Variants in GPC5 observed in about 807,000 individuals in gnomAD.
GPC5 encodes the protein glypican 5.
A neutral mutation model predicts 53.9 loss-of-function variants in GPC5; 47 were observed. That is an observed-to-expected ratio of 0.87 (90% CI 0.69 to 1.11). The LOEUF is 1.11. Among genes scored for constraint, GPC5 ranks in the 50% most tolerant of loss-of-function variants. The pLI is 0.00. For missense variants in GPC5, 748 were observed against 713.1 expected, an observed-to-expected ratio of 1.05 and a Z score of -0.56; for synonymous variants, 286 against 263.3, an observed-to-expected ratio of 1.09 and a Z score of -0.84.
intron 1 of GPC5, among the ~76,000 whole-genome samples, chr13:91,400,895 A>G (rs1006236214): frequency 6.6e-6 from 1 of 152,216 alleles, no homozygotes; most frequent in Non-Finnish European, 1.5e-5. Context: ...GGAGAGGGAA[A>G]TGACTGTAAT....
intron 1 of GPC5, among the ~76,000 whole-genome samples, chr13:91,440,124 G>T (rs887724297): frequency 1.3e-5 from 2 of 152,024 alleles, no homozygotes; most frequent in African/African-American, 4.8e-5. Context: ...GTTAATTTGT[G>T]GTGTTCACCA....
chr13:92,189,682 ATT>A (rs111746681), intron 7 of GPC5, among the ~76,000 whole-genome samples: 15 of 149,918 alleles, frequency 1.0e-4, no homozygotes, highest in African/African-American at 3.7e-4. Flanking sequence ...TGGGCCAGGC[ATT>A]TTTTTTTTAA....
At chr13:91,633,661 T>A (rs1353889066) in intron 2 of GPC5, among the ~76,000 whole-genome samples, 1 of 152,122 alleles carries the variant, frequency 6.6e-6, no homozygotes, top group Admixed American at 6.6e-5. Context: ...AATAAGAAAC[T>A]GAAGAACTTT....
chr13:91,423,831 C>CCCACAAATAT (rs1361297932), intron 1 of GPC5, among the ~76,000 whole-genome samples: 11 of 152,246 alleles, frequency 7.2e-5, no homozygotes, highest in African/African-American at 2.6e-4. Flanking sequence ...TTTGTGCTCA[C>CCCACAAATAT]ATTGTAGCCC....
At chr13:91,692,623 C>T (rs1327966684) in intron 2 of GPC5, among the ~76,000 whole-genome samples, 2 of 152,096 alleles carry the variant, frequency 1.3e-5, no homozygotes, top group Admixed American at 6.6e-5. Context: ...AACTACCATA[C>T]ATGTAACTTA....
intron 6 of GPC5, among the ~76,000 whole-genome samples, chr13:91,914,242 A>T (rs72633723): frequency 5.9e-5 from 9 of 152,122 alleles, no homozygotes; most frequent in African/African-American, 2.2e-4. Flanking sequence ...TTAGAAATTA[A>T]TTTACCTACT....
intron 6 of GPC5, among the ~76,000 whole-genome samples, chr13:91,963,618 C>G (rs77644418): frequency 0.019 from 2,951 of 152,096 alleles, 90 homozygotes; most frequent in African/African-American, 0.067. Context: ...GTGCAACAGG[C>G]ATGAAGCTTA....
At chr13:92,331,394 T>C (rs983718115) in intron 7 of GPC5, among the ~76,000 whole-genome samples, 8 of 152,192 alleles carry the variant, frequency 5.3e-5, no homozygotes, top group African/African-American at 1.9e-4. Flanking sequence ...CTTTGTCACA[T>C]AATGGGAAGT....
chr13:92,716,769 A>G (rs1055460592), intron 7 of GPC5, among the ~76,000 whole-genome samples: 1 of 152,210 alleles, frequency 6.6e-6, no homozygotes, highest in Non-Finnish European at 1.5e-5. Context: ...TGAACGTCTC[A>G]GACTAGTTTG....
chr13:91,522,867 G>C (rs1016128403), intron 2 of GPC5, among the ~76,000 whole-genome samples: 9 of 152,146 alleles, frequency 5.9e-5, no homozygotes, highest in African/African-American at 1.7e-4. Flanking sequence ...TGGCTGCATA[G>C]TATTCCATGG....
At chr13:92,237,721 C>T (rs1312708072) in intron 7 of GPC5, among the ~76,000 whole-genome samples, 1 of 152,056 alleles carries the variant, frequency 6.6e-6, no homozygotes, top group African/African-American at 2.4e-5. Context: ...CAATTCAGTG[C>T]TTTCTTAGTT....
At chr13:91,907,284 G>T (rs1273126566) in intron 5 of GPC5, among the ~76,000 whole-genome samples, 1 of 147,880 alleles carries the variant, frequency 6.8e-6, no homozygotes, top group Admixed American at 6.8e-5. Flanking sequence ...AAAATCAAAA[G>T]ATTTATTAAT....
intron 5 of GPC5, among the ~76,000 whole-genome samples, chr13:91,837,541 A>G (rs1343308931): frequency 1.3e-5 from 2 of 152,128 alleles, no homozygotes; most frequent in Non-Finnish European, 2.9e-5. Flanking sequence ...AAAAACCAAA[A>G]TATCATGTCA....
At chr13:92,098,825 G>A (rs1053003491) in intron 6 of GPC5, among the ~76,000 whole-genome samples, 5 of 152,202 alleles carry the variant, frequency 3.3e-5, no homozygotes, top group South Asian at 2.1e-4. Context: ...GTGCTTAAAC[G>A]TTGATCTCCA....
intron 7 of GPC5, among the ~76,000 whole-genome samples, chr13:92,392,354 G>C (rs1163236090): frequency 6.6e-6 from 1 of 152,108 alleles, no homozygotes; most frequent in Non-Finnish European, 1.5e-5. Context: ...GCAATATGCA[G>C]AAAGTTGGAG....
intron 7 of GPC5, among the ~76,000 whole-genome samples, chr13:92,764,627 A>G (rs2138741613): frequency 6.6e-6 from 1 of 152,258 alleles, no homozygotes; most frequent in Middle Eastern, 3.4e-3. Flanking sequence ...TGGGAGATAG[A>G]GTGGTAGAGG....
chr13:91,905,321 A>G (rs1026621698), intron 5 of GPC5, among the ~76,000 whole-genome samples: 1 of 151,730 alleles, frequency 6.6e-6, no homozygotes, highest in African/African-American at 2.4e-5. Flanking sequence ...ATTTATTTAT[A>G]TATATGAGTA....
At chr13:91,596,689 G>A (rs767790743) in intron 2 of GPC5, among the ~76,000 whole-genome samples, 1 of 152,020 alleles carries the variant, frequency 6.6e-6, no homozygotes, top group African/African-American at 2.4e-5. Context: ...CAAGAATTAT[G>A]TTTAGTATAA....
chr13:92,294,606 A>T (rs531288157), intron 7 of GPC5, among the ~76,000 whole-genome samples: 12 of 151,722 alleles, frequency 7.9e-5, no homozygotes, highest in African/African-American at 2.9e-4. Context: ...TTCTTGGTTA[A>T]TCTTGTTAAT....
Sources: gnomAD v4.1 joint callset for allele counts (sites outside exome capture counted in the v4.1 genomes callset) on GRCh38, gnomAD v4.1.1 for gene constraint, MANE v1.5 for transcripts, NCBI Gene and HGNC (gene_info 2026-07-23, HGNC 2026-07-21) for gene names.